Variants in FBXL16 observed in about 807,000 individuals in gnomAD.
The protein encoded by FBXL16 is F-box/LRR-repeat protein 16.
Under a neutral mutation model 36.7 loss-of-function variants are expected in FBXL16, and 7 were observed. The observed-to-expected ratio is 0.19, with a 90% CI of 0.11 to 0.36. FBXL16 has a LOEUF of 0.36. FBXL16 is among the 10% of genes least tolerant of loss of function. The pLI is 1.00. For missense variants in FBXL16, 463 were observed against 659.4 expected (o/e 0.70, Z 3.26); for synonymous variants, 355 against 308.7 (o/e 1.15, Z -1.57).
At chr16:696,102 G>C in intron 2 of FBXL16, 179 bp from the exon 3 acceptor site, 1 of 889,796 alleles carries the variant, frequency 1.1e-6, no homozygotes, top group South Asian at 2.0e-5. Context: ...TGGGGGCGTT[G>C]GCACCAGCGT....
Position 694,195 on chromosome 16 carries a change from G to T in FBXL16, c.*80C>A. 1 of 1,059,880 alleles carries T rather than the reference G, an allele frequency of 9.4e-7. No individual in the cohort carries two copies. Among genetic ancestry groups the T allele is most frequent in the South Asian group, 4.7e-5 (1 of 21,348 alleles). The allele number at this position is 1,059,880 out of a possible 1,614,324, so 65.7% of individuals were successfully genotyped here. On this transcript the variant is annotated 3_prime_UTR_variant, in exon 6 of 6. Transcript: ENST00000397621. ...GCGGGGGCTCCCCCGAGCGCAAGGC[G>T]GGAAGAGGGGGCTCGGCGGCGCCCC...
intron 3 of FBXL16, 147 bp downstream of exon 3, chr16:695,268 C>A: frequency 8.5e-7 from 1 of 1,180,278 alleles, no homozygotes; most frequent in Non-Finnish European, 1.1e-6. Flanking sequence ...GGTTCCCACT[C>A]CCCAGGCTCC....
rs1263689516 is a variant in FBXL16 at position 693,774 on chromosome 16, G to A, written c.*501C>T. ...CGGTGGAAGATGCAGGAAGCCCGTG[G>A]GGCTCTTCTGGGCCCGTGTCCTGGG... On this transcript the variant is annotated 3_prime_UTR_variant, in exon 6 of 6. Transcript: ENST00000397621. The A allele has an allele frequency of 6.5e-6, 1 of 152,826 alleles. No homozygotes were observed. The highest frequency in any genetic ancestry group is 1.5e-5 in the Non-Finnish European group (1 of 68,236). The allele number at this position is 152,826 out of a possible 1,614,324, so 9.5% of individuals were successfully genotyped here.
At chr16:696,711 C>T in intron 2 of FBXL16, 62 bp downstream of exon 2, 1 of 1,441,276 alleles carries the variant, frequency 6.9e-7, no homozygotes. Context: ...CTCCCACCTC[C>T]ATAGGGTTGC....
At chr16:695,176 C>G (rs1191733999) in intron 3 of FBXL16, 100 bp from the exon 4 acceptor site, 5 of 1,305,412 alleles carry the variant, frequency 3.8e-6, no homozygotes, top group Non-Finnish European at 5.3e-6. Flanking sequence ...CTTCCTGCCC[C>G]ACCCGGAGCA....
intron 3 of FBXL16, 57 bp downstream of exon 3, chr16:695,358 C>A (rs1440134784): frequency 2.1e-5 from 25 of 1,208,250 alleles, no homozygotes; most frequent in Non-Finnish European, 2.5e-5. Flanking sequence ...CGCCCCGCCC[C>A]GCCCCGTGCA....
At chr16:696,084 G>C in intron 2 of FBXL16, 161 bp from the exon 3 acceptor site, 2 of 1,109,226 alleles carry the variant, frequency 1.8e-6, no homozygotes, top group Non-Finnish European at 2.5e-6. Context: ...CCTGGCCAGG[G>C]CAGGTGCTGG....
intron 1 of FBXL16, among the ~76,000 whole-genome samples, chr16:701,573 C>T (rs1471099807): frequency 6.6e-6 from 1 of 152,222 alleles, no homozygotes; most frequent in Non-Finnish European, 1.5e-5. Flanking sequence ...TGGGGGCTCA[C>T]ACAAGGGCCC....
chr16:696,034 AGT>A, intron 2 of FBXL16, 111 bp from the exon 3 acceptor site: 1 of 1,418,002 alleles, frequency 7.1e-7, no homozygotes, highest in Non-Finnish European at 9.3e-7. Context: ...AACATTTGGC[AGT>A]GTGTGAGGAG....
At chr16:696,018 C>A in intron 2 of FBXL16, 95 bp from the exon 3 acceptor site, 1 of 1,450,132 alleles carries the variant, frequency 6.9e-7, no homozygotes. Flanking sequence ...GGAGCTGAAC[C>A]CTGAAAACAT....
chr16:703,406 C>T (rs1242139093), intron 1 of FBXL16, among the ~76,000 whole-genome samples: 1 of 152,176 alleles, frequency 6.6e-6, no homozygotes, highest in Non-Finnish European at 1.5e-5. Flanking sequence ...CCTAACCAAC[C>T]ACTCAGCCCT....
rs1372578860 is a variant in FBXL16 at position 695,751 on chromosome 16, T to C, written c.806A>G (p.Asn269Ser). ...GGCCTGCAGGCTCAGCTCCGCCAGG[T>C]TGGGCAGCAGCTGCGAGATGGCCGC... Reference protein sequence around the residue: ...AIAAISQLLPNLAELSLQAYH... With the variant: ...AIAAISQLLPSLAELSLQAYH... Residue 269 changes from asparagine (N) to serine (S), a missense_variant, in exon 3 of 6, where the codon AAC becomes AGC. By Grantham distance (46) the Asn-to-Ser change is conservative (BLOSUM62 1). Transcript: ENST00000397621. 6.2e-7 allele frequency: 1 copy of C among 1,604,090 alleles called. No individual in the cohort carries two copies. The highest frequency in any genetic ancestry group is 8.5e-7 in the Non-Finnish European group (1 of 1,178,144).
At position 697,797 on chromosome 16, in the gene FBXL16, G is replaced by C. The variant is rs1174499831; in HGVS notation, c.-14-378C>G. ...GGGTGGATCATGAGGTCAGGAGATCGAGACCATCCTGGCTAACACAGTGAA... is the reference window on the plus strand; with the variant it reads ...GGGTGGATCATGAGGTCAGGAGATCCAGACCATCCTGGCTAACACAGTGAA... On this transcript the variant is annotated intron_variant, in intron 1 of 5. Coordinates refer to ENST00000397621, the MANE Select transcript of FBXL16 (RefSeq NM_153350.4). The surrounding 1 kb of genome is among the most constrained non-coding windows in gnomAD (Gnocchi z 4.6). Among the ~76,000 whole-genome samples, 1 of 152,036 alleles carries C rather than the reference G, an allele frequency of 6.6e-6. No individual in the cohort carries two copies. The highest frequency in any genetic ancestry group is 1.5e-5 in the Non-Finnish European group (1 of 68,004).
At position 696,929 on chromosome 16, in the gene FBXL16, G is replaced by C; in HGVS notation, c.477C>G (p.Asn159Lys). The change falls in exon 2 of 6, where the codon AAC (asparagine) becomes AAG (lysine). Residue 159 changes from asparagine (N) to lysine (K), a missense_variant. This residue lies in a region of FBXL16 where 263 missense variants were observed against 341.1 expected (regional missense o/e 0.77). Transcript: ENST00000397621. The stretch of plus-strand genomic sequence containing the variant: ...AGCCTCTGGCGGCAAAACCCTGCAG[G>C]TTCACGAACTCCTTCTCGCCACCAG... ...VLPGGEKEFVNLQGFAARGFE... is the reference protein window; with the variant it reads ...VLPGGEKEFVKLQGFAARGFE... 6.2e-7 allele frequency: 1 copy of C among 1,607,604 alleles called. No homozygotes were observed. The highest frequency in any genetic ancestry group is 8.5e-7 in the Non-Finnish European group (1 of 1,178,272).
rs535549618 is a variant in FBXL16 at position 694,058 on chromosome 16, C to T, written c.*217G>A. 5.5e-5 allele frequency: 13 copies of T among 236,966 alleles called. No homozygotes were observed. The East Asian group carries it at 6.5e-4, about 12-fold the overall frequency. The allele number at this position is 236,966 out of a possible 1,614,324, so 14.7% of individuals were successfully genotyped here. A position where few individuals can be genotyped will look rare whatever the true frequency, so the allele number is the denominator to read the frequency against. ...CCCGAGTGTGCGTGCGTGCGTGGGG[C>T]GGGCCCACCCGCCGCCCCCCTGCCC... On this transcript the variant is annotated 3_prime_UTR_variant, in exon 6 of 6. Coordinates refer to ENST00000397621, the MANE Select transcript of FBXL16 (RefSeq NM_153350.4).
rs2040026149 is a variant in FBXL16 at position 697,799 on chromosome 16, G to A, written c.-14-380C>T. On this transcript the variant is annotated intron_variant, in intron 1 of 5. Transcript: ENST00000397621. The surrounding 1 kb of genome is among the most constrained non-coding windows in gnomAD (Gnocchi z 4.6). ...GTGGATCATGAGGTCAGGAGATCGA[G>A]ACCATCCTGGCTAACACAGTGAAAC... 2.0e-5 allele frequency among the ~76,000 whole-genome samples: 3 copies of A among 152,098 alleles called. No homozygotes were observed. Among genetic ancestry groups the A allele is most frequent in the Non-Finnish European group, 2.9e-5 (2 of 67,996 alleles).
chr16:693,930 C>T lies in FBXL16; in HGVS notation c.*345G>A. 6.1e-6 allele frequency: 1 copy of T among 163,220 alleles called. No homozygotes were observed. The highest frequency in any genetic ancestry group is 1.3e-5 in the Non-Finnish European group (1 of 76,608). 10.1% of individuals were successfully genotyped at this position (163,220 alleles called of 1,614,324 possible). A position where few individuals can be genotyped will look rare whatever the true frequency, so the allele number is the denominator to read the frequency against. The stretch of plus-strand genomic sequence containing the variant: ...CTCAAAGCCCCCCCAAGGACCGAGC[C>T]CCGCCCCCCAAGCGGGAGGGCGAGC... On this transcript the variant is annotated 3_prime_UTR_variant, in exon 6 of 6. Coordinates refer to ENST00000397621, the MANE Select transcript of FBXL16 (RefSeq NM_153350.4).
chr16:701,057 G>T (rs2151522238), intron 1 of FBXL16, among the ~76,000 whole-genome samples: 1 of 152,302 alleles, frequency 6.6e-6, no homozygotes, highest in Non-Finnish European at 1.5e-5. Context: ...CACGTGGAGC[G>T]CCGGGGCTGG....
At chr16:698,603 A>C (rs2040032476) in intron 1 of FBXL16, among the ~76,000 whole-genome samples, 1 of 152,214 alleles carries the variant, frequency 6.6e-6, no homozygotes, top group African/African-American at 2.4e-5. Flanking sequence ...CCACATGCAC[A>C]GGAGCTTCCC....
Sources: gnomAD v4.1 joint callset for allele counts (sites outside exome capture counted in the v4.1 genomes callset) on GRCh38, gnomAD v4.1.1 for gene constraint, gnomAD v4.1.1 regional missense constraint, Gnocchi (gnomAD v3.1) non-coding constraint, MANE v1.5 for transcripts, NCBI Gene and HGNC (gene_info 2026-07-23, HGNC 2026-07-21) for gene names.